The following CRYZL1 variants were observed in gnomAD, a reference collection of about 807,000 sequenced individuals.
The protein encoded by CRYZL1 is ferry endosomal RAB5 effector complex subunit 4.
In CRYZL1, 34 loss-of-function variants were observed where a neutral mutation model predicts 50.6. The ratio of observed to expected loss-of-function variants is 0.67; its 90% confidence interval spans 0.51 to 0.89. CRYZL1 has a LOEUF of 0.89. Among genes scored for constraint, CRYZL1 ranks in the 40% least tolerant of loss-of-function variants. The pLI is 0.00. For synonymous variants in CRYZL1, 125 were observed against 134.3 expected (o/e 0.93, Z 0.48); for missense variants, 354 against 402.3 (o/e 0.88, Z 1.03).
rs146603944 is a variant in CRYZL1, at chr21:33,596,773, G to A, written c.798+507C>T. On this transcript the variant is annotated intron_variant, in intron 10 of 12. Transcript: ENST00000381554. Reference sequence around the variant, plus strand: ...AGTATTTCAACATTTTGGCCAACATGTTGCTAAAGTGAAAAAAAAAGCTAC... The same window carrying A: ...AGTATTTCAACATTTTGGCCAACATATTGCTAAAGTGAAAAAAAAAGCTAC... Among the ~76,000 whole-genome samples the A allele has an allele frequency of 1.8e-3, 268 of 151,288 alleles. 2 individuals are homozygous for A. The highest frequency in any genetic ancestry group is 3.4e-3 in the Non-Finnish European group (229 of 67,902).
intron 6 of CRYZL1, among the ~76,000 whole-genome samples, chr21:33,607,733 A>G (rs1213575096): frequency 6.6e-6 from 1 of 152,228 alleles, no homozygotes; most frequent in East Asian, 1.9e-4. Flanking sequence ...AGAAACTAAA[A>G]TAGAGTTGTG....
intron 1 of CRYZL1, chr21:33,641,134 C>G: frequency 6.5e-7 from 1 of 1,548,436 alleles, no homozygotes; most frequent in Non-Finnish European, 8.7e-7. Flanking sequence ...CTTAGAAACG[C>G]AGATGTTCGG....
intron 1 of CRYZL1, among the ~76,000 whole-genome samples, chr21:33,637,703 C>T (rs2087225350): frequency 6.7e-6 from 1 of 149,596 alleles, no homozygotes; most frequent in Admixed American, 6.7e-5. Flanking sequence ...TGTTTCTAAC[C>T]TACCTTCATT....
chr21:33,608,325 G>A (rs971209436), intron 6 of CRYZL1, among the ~76,000 whole-genome samples: 4 of 152,060 alleles, frequency 2.6e-5, no homozygotes, highest in African/African-American at 4.8e-5. Flanking sequence ...TGTGGCGGCT[G>A]GCACCTGTAA....
chr21:33,595,406 T>C (rs2086683700), intron 11 of CRYZL1: 8 of 1,331,816 alleles, frequency 6.0e-6, no homozygotes, highest in Non-Finnish European at 7.9e-6. Context: ...AACAAAATCT[T>C]CCAGGTATCT....
Position 33,624,764 on chromosome 21 carries a change from G to A in CRYZL1, c.67-4C>T, listed in dbSNP as rs780650772. ...CCTCTGTAACAGGAAGATCTTCCTA[G>A]AACCAAATGATAACAAAACAATATG... is the stretch of plus-strand genomic sequence containing the variant. On this transcript the variant is annotated splice_polypyrimidine_tract_variant and splice_region_variant and intron_variant, in intron 2 of 12. Transcript: ENST00000381554. The A allele has an allele frequency of 6.3e-7, 1 of 1,589,500 alleles. No individual in the cohort carries two copies.
chr21:33,617,438 A>G (rs932038615), intron 4 of CRYZL1, among the ~76,000 whole-genome samples: 8 of 152,174 alleles, frequency 5.3e-5, no homozygotes, highest in African/African-American at 1.9e-4. Flanking sequence ...TTTTTGTTGC[A>G]GAATCTCATA....
At chr21:33,603,870 C>G (rs1436675657) in intron 6 of CRYZL1, among the ~76,000 whole-genome samples, 4 of 152,222 alleles carry the variant, frequency 2.6e-5, no homozygotes, top group Non-Finnish European at 5.9e-5. Flanking sequence ...AACCATCACC[C>G]CAGCAGCCTC....
At chr21:33,622,819 C>T (rs1299704813) in intron 3 of CRYZL1, among the ~76,000 whole-genome samples, 1 of 152,052 alleles carries the variant, frequency 6.6e-6, no homozygotes, top group African/African-American at 2.4e-5. Flanking sequence ...TAATTCTCTT[C>T]TATATTTATT....
Position 33,597,265 on chromosome 21 carries a change from G to A in CRYZL1, c.798+15C>T, listed in dbSNP as rs769791428. 1.2e-6 allele frequency: 2 copies of A among 1,612,354 alleles called. No homozygotes were observed. The highest frequency in any genetic ancestry group is 2.2e-5 in the East Asian group (1 of 44,860). Reference sequence around the variant, plus strand: ...CTTTGGTGTAATGGTAACGCTTTATGGTTTCTGATAGTACCTGAAGGTTTT... The same window carrying A: ...CTTTGGTGTAATGGTAACGCTTTATAGTTTCTGATAGTACCTGAAGGTTTT... On this transcript the variant is annotated intron_variant, in intron 10 of 12. Coordinates refer to ENST00000381554, the MANE Select transcript of CRYZL1 (RefSeq NM_145858.3).
intron 6 of CRYZL1, among the ~76,000 whole-genome samples, chr21:33,610,753 A>G (rs1339693552): frequency 1.3e-4 from 9 of 69,542 alleles, no homozygotes; most frequent in African/African-American, 4.6e-4. Flanking sequence ...TTTTTTTTTG[A>G]GACAGAGTCT....
chr21:33,635,999 A>C (rs2145965059), intron 1 of CRYZL1, among the ~76,000 whole-genome samples: 1 of 152,132 alleles, frequency 6.6e-6, no homozygotes, highest in Middle Eastern at 3.4e-3. Context: ...TAAATGAACA[A>C]ATAAATAAAA....
chr21:33,613,935 G>A (rs982864200), intron 5 of CRYZL1, among the ~76,000 whole-genome samples: 26 of 152,198 alleles, frequency 1.7e-4, no homozygotes, highest in African/African-American at 6.3e-4. Flanking sequence ...CACTTTGGGA[G>A]GCCGAGGCAG....
intron 4 of CRYZL1, among the ~76,000 whole-genome samples, chr21:33,619,838 T>C (rs532450998): frequency 6.6e-6 from 1 of 152,258 alleles, no homozygotes; most frequent in Non-Finnish European, 1.5e-5. Flanking sequence ...TTGCTCATAA[T>C]ATCCTCCCTG....
In CRYZL1 at chr21:33,640,280, T is replaced by C. The variant is rs868223379; in HGVS notation, c.-7+1401A>G. On this transcript the variant is annotated intron_variant, in intron 1 of 12. Transcript: ENST00000381554. ...TGGCGAACTACCTCACTTTCAAATC[T>C]AAACGTCTTATCCCCTGCTGTAAGC... 7.9e-6 allele frequency: 12 copies of C among 1,517,434 alleles called. No individual in the cohort carries two copies. In the African/African-American group the frequency reaches 9.8e-5, roughly 12 times the overall value. The allele number at this position is 1,517,434 out of a possible 1,614,324, so 94.0% of individuals were successfully genotyped here. A position where few individuals can be genotyped will look rare whatever the true frequency, so the allele number is the denominator to read the frequency against.
At chr21:33,602,048 C>T (rs2086762433) in intron 8 of CRYZL1, among the ~76,000 whole-genome samples, 186 bp downstream of exon 8, 1 of 147,830 alleles carries the variant, frequency 6.8e-6, no homozygotes, top group African/African-American at 2.5e-5. Flanking sequence ...CTATGTTGCT[C>T]AGGCTGGTCT....
rs368981231 is a variant in CRYZL1 at position 33,626,353 on chromosome 21, A to AC, written c.67-1594dup. Reference sequence around the variant, plus strand: ...CCCCATGGGATTCTGGGCTCAACATACCAACGTAATTGAACCTAATTATCC... The same window carrying AC: ...CCCCATGGGATTCTGGGCTCAACATACCCAACGTAATTGAACCTAATTATCC... On this transcript the variant is annotated intron_variant, in intron 2 of 12. Coordinates refer to ENST00000381554, the MANE Select transcript of CRYZL1 (RefSeq NM_145858.3). 5.5e-3 allele frequency among the ~76,000 whole-genome samples: 832 copies of AC among 152,292 alleles called. 8 individuals are homozygous for AC. Among genetic ancestry groups the AC allele is most frequent in the African/African-American group, 0.019 (793 of 41,558 alleles).
intron 6 of CRYZL1, among the ~76,000 whole-genome samples, chr21:33,609,780 G>A (rs2086850351): frequency 6.7e-6 from 1 of 149,578 alleles, no homozygotes; most frequent in Non-Finnish European, 1.5e-5. Flanking sequence ...TCGGCTCACT[G>A]CAAGCTCCAC....
rs140795275 is a variant in CRYZL1 at position 33,627,517 on chromosome 21, A to G, written c.67-2757T>C. Among the ~76,000 whole-genome samples, 207 of 152,246 alleles carry G rather than the reference A, an allele frequency of 1.4e-3. 3 individuals carry two copies. Among genetic ancestry groups the G allele is most frequent in the Admixed American group, 0.01 (160 of 15,284 alleles). On this transcript the variant is annotated intron_variant, in intron 2 of 12. Coordinates refer to ENST00000381554, the MANE Select transcript of CRYZL1 (RefSeq NM_145858.3). ...TATAACACTTACTTTTAATCCCTAAATTTATGGAAGAATGATTTTGGCTTG... is the reference window on the plus strand; with the variant it reads ...TATAACACTTACTTTTAATCCCTAAGTTTATGGAAGAATGATTTTGGCTTG...
Sources: gnomAD v4.1 joint callset for allele counts (sites outside exome capture counted in the v4.1 genomes callset) on GRCh38, gnomAD v4.1.1 for gene constraint, MANE v1.5 for transcripts, NCBI Gene and HGNC (gene_info 2026-07-23, HGNC 2026-07-21) for gene names.